RELN: variants seen among roughly 807,000 people sequenced by gnomAD.
RELN encodes the protein reelin.
Under a neutral mutation model 427.6 loss-of-function variants are expected in RELN, and 108 were observed. The observed-to-expected ratio is 0.25, with a 90% confidence interval of 0.22 to 0.30. RELN has a LOEUF of 0.30. RELN is among the 10% of genes least tolerant of loss of function. The pLI is 1.00. For synonymous variants in RELN, 1,524 were observed against 1,513.4 expected, an observed-to-expected ratio of 1.01 and a Z score of -0.16; for missense variants, 3,715 against 4,302.8, an observed-to-expected ratio of 0.86 and a Z score of 3.82.
chr7:103,918,802 T>C (rs1795546291), intron 1 of RELN, among the ~76,000 whole-genome samples: 1 of 152,122 alleles, frequency 6.6e-6, no homozygotes, highest in Non-Finnish European at 1.5e-5. Flanking sequence ...CAGAGAAAAG[T>C]TGGCTATTTA....
At chr7:103,950,449 A>C (rs901058555) in intron 1 of RELN, among the ~76,000 whole-genome samples, 1 of 152,240 alleles carries the variant, frequency 6.6e-6, no homozygotes, top group Non-Finnish European at 1.5e-5. Flanking sequence ...AGATTATGAA[A>C]AAAAATCAGC....
At chr7:103,584,995 A>T (rs925544187) in intron 28 of RELN, among the ~76,000 whole-genome samples, 2 of 141,720 alleles carry the variant, frequency 1.4e-5, no homozygotes, top group Admixed American at 6.7e-5. Flanking sequence ...AGGCAGAAAT[A>T]AAAAAAAAAT....
chr7:103,491,734 C>T (rs960162528), intron 58 of RELN, among the ~76,000 whole-genome samples: 1 of 151,880 alleles, frequency 6.6e-6, no homozygotes, highest in Admixed American at 6.6e-5. Context: ...GAGGCTGAGG[C>T]AGGAGAACCG....
chr7:103,756,987 T>C (rs1562994452), intron 4 of RELN, among the ~76,000 whole-genome samples: 1 of 152,204 alleles, frequency 6.6e-6, no homozygotes, highest in Non-Finnish European at 1.5e-5. Flanking sequence ...TAGTTTTATG[T>C]AGTCTAAACA....
intron 11 of RELN, among the ~76,000 whole-genome samples, chr7:103,661,875 A>T (rs78480421): frequency 0.014 from 2,142 of 152,342 alleles, 45 homozygotes; most frequent in African/African-American, 0.048. Context: ...TGAACTAAGG[A>T]AACAGTGAAT....
At chr7:103,909,708 ATAAAT>A (rs1563084781) in intron 2 of RELN, among the ~76,000 whole-genome samples, 3,499 of 50,724 alleles carry the variant, frequency 0.069, 470 homozygotes, top group East Asian at 0.27. Context: ...TTTAATATAT[ATAAAT>A]ATATATTAAA....
chr7:103,927,862 G>A (rs909936910), intron 1 of RELN, among the ~76,000 whole-genome samples: 1 of 152,158 alleles, frequency 6.6e-6, no homozygotes, highest in African/African-American at 2.4e-5. Context: ...AAAAAGTTAA[G>A]TGATTAGTTA....
At chr7:103,481,784 C>T (rs1035639031) in intron 63 of RELN, among the ~76,000 whole-genome samples, 5 of 152,152 alleles carry the variant, frequency 3.3e-5, no homozygotes, top group African/African-American at 7.2e-5. Flanking sequence ...GCTGGAATAA[C>T]GTAGTCTGAG....
At chr7:103,895,019 C>G (rs1794928618) in intron 2 of RELN, among the ~76,000 whole-genome samples, 1 of 152,088 alleles carries the variant, frequency 6.6e-6, no homozygotes, top group Non-Finnish European at 1.5e-5. Flanking sequence ...AGAACTTCAT[C>G]TGTAAACTTT....
chr7:103,864,581 C>T lies in RELN; in HGVS notation c.338-30909G>A, dbSNP rs182947539. 3.8e-4 allele frequency among the ~76,000 whole-genome samples: 58 copies of T among 152,190 alleles called. No homozygotes were observed. In the East Asian group the frequency reaches 9.7e-3, roughly 25 times the overall value. On this transcript the variant is annotated intron_variant, in intron 2 of 64. Coordinates refer to ENST00000428762, the MANE Select transcript of RELN (RefSeq NM_005045.4). ...TGTGACTGGTTCATTTCACTTTGCACGAAGTCCTCCAGGTCCATCTGTGTT... is the reference window on the plus strand; with the variant it reads ...TGTGACTGGTTCATTTCACTTTGCATGAAGTCCTCCAGGTCCATCTGTGTT...
At chr7:103,597,094 C>G (rs1831555375) in intron 24 of RELN, among the ~76,000 whole-genome samples, 1 of 152,176 alleles carries the variant, frequency 6.6e-6, no homozygotes, top group East Asian at 1.9e-4. Context: ...TGTGACCTTT[C>G]TGAGCTTTTA....
At chr7:103,825,547 C>G (rs1198160353) in intron 3 of RELN, among the ~76,000 whole-genome samples, 1 of 152,098 alleles carries the variant, frequency 6.6e-6, no homozygotes, top group Non-Finnish European at 1.5e-5. Context: ...TGGCAAAAAA[C>G]TTAGTTTTGC....
intron 11 of RELN, among the ~76,000 whole-genome samples, chr7:103,678,956 C>G (rs1182796285): frequency 6.6e-6 from 1 of 152,116 alleles, no homozygotes; most frequent in Non-Finnish European, 1.5e-5. Context: ...GCAGAGAAAA[C>G]AGAACGCATC....
intron 3 of RELN, among the ~76,000 whole-genome samples, chr7:103,832,442 G>GA (rs111896264): frequency 0.014 from 2,145 of 152,226 alleles, 41 homozygotes; most frequent in African/African-American, 0.048. Flanking sequence ...ACGAAAAACT[G>GA]AAAAACAATT....
intron 2 of RELN, among the ~76,000 whole-genome samples, chr7:103,865,674 GAAA>G (rs1228892697): frequency 2.0e-5 from 3 of 152,080 alleles, no homozygotes; most frequent in Non-Finnish European, 4.4e-5. Context: ...GATAGATGCA[GAAA>G]AAGCATGACA....
chr7:103,498,741 C>T (rs1828922262), intron 53 of RELN, among the ~76,000 whole-genome samples: 1 of 152,100 alleles, frequency 6.6e-6, no homozygotes, highest in Admixed American at 6.5e-5. Flanking sequence ...ATCTGCCCAC[C>T]TCCGCCTCCC....
chr7:103,598,291 T>C (rs968607956), intron 24 of RELN, among the ~76,000 whole-genome samples: 3 of 152,238 alleles, frequency 2.0e-5, no homozygotes, highest in Non-Finnish European at 4.4e-5. Context: ...GGAAATCTTG[T>C]AAGTTACATG....
chr7:103,696,323 C>G (rs772402760), intron 10 of RELN, among the ~76,000 whole-genome samples: 2 of 152,084 alleles, frequency 1.3e-5, no homozygotes, highest in African/African-American at 2.4e-5. Flanking sequence ...ATGCACTCTC[C>G]GGGCAGGCAA....
intron 8 of RELN, among the ~76,000 whole-genome samples, chr7:103,711,093 A>C (rs1404274597): frequency 6.6e-6 from 1 of 152,168 alleles, no homozygotes; most frequent in Non-Finnish European, 1.5e-5. Context: ...TACACAGCCA[A>C]AAAGATATAA....
Sources: gnomAD v4.1 joint callset for allele counts (sites outside exome capture counted in the v4.1 genomes callset) on GRCh38, gnomAD v4.1.1 for gene constraint, MANE v1.5 for transcripts, NCBI Gene and HGNC (gene_info 2026-07-23, HGNC 2026-07-21) for gene names.